XPOT: variants seen among roughly 807,000 people sequenced by gnomAD.
XPOT encodes the protein exportin-T.
XPOT carries 34 observed loss-of-function variants against 128.2 expected under a neutral mutation model. The ratio of observed to expected loss-of-function variants is 0.27; its 90% CI spans 0.20 to 0.35. XPOT has a LOEUF of 0.35. Among genes scored for constraint, XPOT ranks in the 10% least tolerant of loss-of-function variants. The pLI is 1.00. For missense variants in XPOT, 838 were observed against 1,125.3 expected (o/e 0.74, Z 3.65); for synonymous variants, 348 against 394.3 (o/e 0.88, Z 1.39).
Position 64,421,490 on chromosome 12 carries a change from C to T in XPOT, c.1080+19C>T, listed in dbSNP as rs1319762657. The T allele has an allele frequency of 1.3e-6, 2 of 1,552,388 alleles. No individual in the cohort carries two copies. The highest frequency in any genetic ancestry group is 2.7e-5 in the African/African-American group (2 of 73,406). ...GAAACAGGTAAGTTTTTGTTTTATT[C>T]TTTTTGCTCAATACATAATACAAAG... On this transcript the variant is annotated intron_variant, in intron 9 of 24. Coordinates refer to ENST00000332707, the MANE Select transcript of XPOT (RefSeq NM_007235.6).
In XPOT at chr12:64,433,515, T is replaced by C. The variant is rs754696695; in HGVS notation, c.2364T>C (p.Ala788=). ...RPAEENDQSA[A]LEKQMLRRSY... ...CAGAAGAAAATGACCAGTCTGCTGCTTTAGAGAAGCAGATGTTGCGGAGGA... is the reference window on the plus strand; with the variant it reads ...CAGAAGAAAATGACCAGTCTGCTGCCTTAGAGAAGCAGATGTTGCGGAGGA... The change falls in exon 19 of 25, where the codon GCT becomes GCC. Residue 788 remains alanine, a synonymous_variant. Transcript: ENST00000332707. 8.7e-6 allele frequency: 14 copies of C among 1,613,116 alleles called. No individual in the cohort carries two copies. The highest frequency in any genetic ancestry group is 1.2e-5 in the Non-Finnish European group (14 of 1,179,474).
In XPOT at chr12:64,415,383, TTA is replaced by T. The variant is rs1317927012; in HGVS notation, c.143+396_143+397del. 1.8e-4 allele frequency among the ~76,000 whole-genome samples: 28 copies of T among 151,586 alleles called. No individual in the cohort carries two copies. In the East Asian group the frequency reaches 5.0e-3, roughly 27 times the overall value. On this transcript the variant is annotated intron_variant, in intron 3 of 24. Coordinates refer to ENST00000332707, the MANE Select transcript of XPOT (RefSeq NM_007235.6). The stretch of plus-strand genomic sequence containing the variant: ...TTTATTTATTTTATTATTATTATTA[TTA>T]TTTTCTTGAGATGGAGTCTCGCTTT...
chr12:64,409,709 T>C (rs773268614), intron 1 of XPOT: 4 of 233,702 alleles, frequency 1.7e-5, no homozygotes, highest in Non-Finnish European at 2.5e-5. Context: ...CACTCCAGCC[T>C]GGGCAACAGA....
At chr12:64,421,594 T>G in intron 9 of XPOT, 123 bp downstream of exon 9, 1 of 649,258 alleles carries the variant, frequency 1.5e-6, no homozygotes, top group Non-Finnish European at 2.6e-6. Context: ...AGATATTTAC[T>G]GTTAAATACT....
intron 11 of XPOT, among the ~76,000 whole-genome samples, chr12:64,424,052 C>G (rs757809503): frequency 2.0e-5 from 3 of 152,140 alleles, no homozygotes; most frequent in Non-Finnish European, 4.4e-5. Flanking sequence ...CTCAGACATT[C>G]AAAAACTTAG....
rs559250973 is a variant in XPOT at position 64,432,264 on chromosome 12, T to A, written c.2262+441T>A. ...TTTCCTTTTTTCTTTTTTTTTTAAA[T>A]GGAGATAGTCTCACTCTGTCACATA... On this transcript the variant is annotated intron_variant, in intron 18 of 24. Coordinates refer to ENST00000332707, the MANE Select transcript of XPOT (RefSeq NM_007235.6). Among the ~76,000 whole-genome samples, 6 of 152,158 alleles carry A rather than the reference T, an allele frequency of 3.9e-5. No homozygotes were observed. In the East Asian group the frequency reaches 1.2e-3, roughly 29 times the overall value.
At position 64,418,099 on chromosome 12, in the gene XPOT, C is replaced by T; in HGVS notation, c.254C>T (p.Ser85Leu). Reference sequence around the variant, plus strand: ...CAGCTAATTAGGGAGACGCTCATATCATGGCTGCAAGCTCAGGTAAAATCA... The same window carrying T: ...CAGCTAATTAGGGAGACGCTCATATTATGGCTGCAAGCTCAGGTAAAATCA... The part of the protein sequence containing the change: ...QQQLIRETLI[S>L]WLQAQMLNPQ... Residue 85 changes from serine (S) to leucine (L), a missense_variant, in exon 5 of 25, where the codon TCA becomes TTA. Transcript: ENST00000332707. 1 of 1,613,304 alleles carries T rather than the reference C, an allele frequency of 6.2e-7. No homozygotes were observed. Among genetic ancestry groups the T allele is most frequent in the Non-Finnish European group, 8.5e-7 (1 of 1,179,592 alleles).
chr12:64,445,263 G>A, intron 24 of XPOT, 132 bp downstream of exon 24: 2 of 636,938 alleles, frequency 3.1e-6, no homozygotes, highest in Non-Finnish European at 5.2e-6. Flanking sequence ...AAGAGTATAA[G>A]TTAGGTAAGC....
chr12:64,406,103 TC>T (rs2039979147), intron 1 of XPOT, among the ~76,000 whole-genome samples: 1 of 152,186 alleles, frequency 6.6e-6, no homozygotes, highest in Admixed American at 6.5e-5. Context: ...TGACACAGTG[TC>T]TCACTCTGTC....
intron 2 of XPOT, among the ~76,000 whole-genome samples, chr12:64,412,937 T>C (rs1255601638): frequency 2.0e-5 from 3 of 152,062 alleles, no homozygotes; most frequent in Non-Finnish European, 4.4e-5. Flanking sequence ...GGCACAGAGC[T>C]CTTGTGCCCT....
chr12:64,406,596 C>T (rs757043360), intron 1 of XPOT, among the ~76,000 whole-genome samples: 6 of 151,568 alleles, frequency 4.0e-5, no homozygotes, highest in Non-Finnish European at 2.9e-5. Context: ...CTCGAACTCC[C>T]GACCTCAGTT....
intron 3 of XPOT, 68 bp downstream of exon 3, chr12:64,415,057 C>T: frequency 1.0e-6 from 1 of 972,652 alleles, no homozygotes; most frequent in Middle Eastern, 3.1e-4. Flanking sequence ...TGAAATTTAC[C>T]TGTATTTGGA....
chr12:64,431,752 C>T lies in XPOT; in HGVS notation c.2191C>T (p.Leu731Phe), dbSNP rs754938684. The T allele has an allele frequency of 1.2e-6, 2 of 1,614,070 alleles. No homozygotes were observed. Among genetic ancestry groups the T allele is most frequent in the African/African-American group, 1.3e-5 (1 of 75,034 alleles). Residue 731 changes from leucine to phenylalanine, a missense_variant, in exon 18 of 25, where the codon CTC becomes TTC. Leu to Phe is a conservative substitution (Grantham distance 22). Around this residue, in one of 3 missense-constraint regions of XPOT, gnomAD observed 761 missense variants for 988.3 expected, o/e 0.77. Coordinates refer to ENST00000332707, the MANE Select transcript of XPOT (RefSeq NM_007235.6). ...CATTCCATCTGCTTCAGAACATATG[C>T]TCAAAGATTGTGAAGCAAAAGATCT... Reference protein sequence around the residue: ...PFIPSASEHMLKDCEAKDLQE... With the variant: ...PFIPSASEHMFKDCEAKDLQE...
intron 2 of XPOT, 63 bp from the exon 3 acceptor site, chr12:64,414,844 T>G: frequency 1.0e-6 from 1 of 995,824 alleles, no homozygotes; most frequent in East Asian, 2.4e-5. Flanking sequence ...ATATTTTGTT[T>G]ATATTAGCAG....
In XPOT at chr12:64,421,379, G is replaced by T. The variant is rs1262080798; in HGVS notation, c.988G>T (p.Ala330Ser). 6.2e-7 allele frequency: 1 copy of T among 1,613,958 alleles called. No individual in the cohort carries two copies. Among genetic ancestry groups the T allele is most frequent in the Admixed American group, 1.7e-5 (1 of 60,008 alleles). The change falls in exon 9 of 25, where the codon GCA (alanine) becomes TCA (serine). Residue 330 changes from alanine (A) to serine (S), a missense_variant. By Grantham distance (99) the Ala-to-Ser change is moderately conservative. Transcript: ENST00000332707. ...EALQAIETKVALMLQLLIHED... is the reference protein window; with the variant it reads ...EALQAIETKVSLMLQLLIHED... Reference sequence around the variant, plus strand: ...ACTACAAGCTATTGAAACAAAAGTGGCACTGATGTTGCAGCTACTAATTCA... The same window carrying T: ...ACTACAAGCTATTGAAACAAAAGTGTCACTGATGTTGCAGCTACTAATTCA...
intron 22 of XPOT, 126 bp from the exon 23 acceptor site, chr12:64,439,118 C>A: frequency 1.2e-6 from 1 of 809,206 alleles, no homozygotes; most frequent in Non-Finnish European, 2.0e-6. Flanking sequence ...GGCAGTCTGG[C>A]TCTCGGGTCT....
rs752581054 is a variant in XPOT, at chr12:64,410,005, C to G, written c.-31C>G. The G allele has an allele frequency of 7.5e-6, 12 of 1,605,998 alleles. No individual in the cohort carries two copies. The East Asian group carries it at 2.5e-4, about 33-fold the overall frequency. ...GTGGGATCAGAGGGCACGCCTATTA[C>G]AACCAGAAAACTACAAGTATAACAG... On this transcript the variant is annotated 5_prime_UTR_variant, in exon 2 of 25. Transcript: ENST00000332707.
chr12:64,446,936 C>T (rs1396678516), intron 24 of XPOT, among the ~76,000 whole-genome samples: 3 of 152,154 alleles, frequency 2.0e-5, no homozygotes, highest in Admixed American at 1.3e-4. Flanking sequence ...TAAAGACATA[C>T]CCGAGACTGG....
chr12:64,441,080 A>G (rs2040321096), intron 23 of XPOT, among the ~76,000 whole-genome samples: 1 of 152,174 alleles, frequency 6.6e-6, no homozygotes, highest in Non-Finnish European at 1.5e-5. Context: ...ACTTACATAT[A>G]AAGTCTTTAA....
Sources: gnomAD v4.1 joint callset for allele counts (sites outside exome capture counted in the v4.1 genomes callset) on GRCh38, gnomAD v4.1.1 for gene constraint, gnomAD v4.1.1 regional missense constraint, MANE v1.5 for transcripts, NCBI Gene and HGNC (gene_info 2026-07-23, HGNC 2026-07-21) for gene names.